The following MMD2 variants were observed in gnomAD, a reference collection of about 807,000 sequenced individuals.
MMD2 encodes the protein monocyte to macrophage differentiation associated 2.
In MMD2, 30 loss-of-function variants were observed where a neutral mutation model predicts 33.5. That is an observed-to-expected ratio of 0.90 (90% confidence interval 0.67 to 1.22). MMD2 has a LOEUF of 1.22. Among genes scored for constraint, MMD2 ranks in the 50% most tolerant of loss-of-function variants. The pLI is 0.00. For synonymous variants in MMD2, 129 were observed against 123.0 expected, an observed-to-expected ratio of 1.05 and a Z score of -0.32; for missense variants, 364 against 325.4, an observed-to-expected ratio of 1.12 and a Z score of -0.91.
chr7:4,957,020 G>T (rs953516029), intron 1 of MMD2, among the ~76,000 whole-genome samples: 6 of 151,968 alleles, frequency 3.9e-5, no homozygotes, highest in African/African-American at 1.5e-4. Context: ...ACAAAAGTTA[G>T]CCAGGCTTGG....
rs1230837032 is a variant in MMD2 at position 4,911,152 on chromosome 7, GGAA to G, written c.457_459del (p.Phe153del). 16 of 1,582,142 alleles carry G rather than the reference GGAA, an allele frequency of 1.0e-5. No homozygotes were observed. Among genetic ancestry groups the G allele is most frequent in the Admixed American group, 1.8e-5 (1 of 54,620 alleles). On this transcript the variant is annotated inframe_deletion, in exon 5 of 7. Coordinates refer to ENST00000401401, the MANE Select transcript of MMD2 (RefSeq NM_198403.4). Reference sequence around the variant, plus strand: ...CCCCCAGGCCTGGCTTACCGCTCATGGAAGAAGAAGACATAGATGGTGCCCACG... The same window carrying G: ...CCCCCAGGCCTGGCTTACCGCTCATGGAAGAAGACATAGATGGTGCCCACG...
chr7:4,909,885 G>C lies in MMD2; in HGVS notation c.533C>G (p.Ser178Cys), dbSNP rs761120373. 2.5e-6 allele frequency: 4 copies of C among 1,612,522 alleles called. No homozygotes were observed. The highest frequency in any genetic ancestry group is 3.4e-6 in the Non-Finnish European group (4 of 1,179,248). ...TGCAGGGCTGGCAGCACTTACCATG[G>C]AGAGGATGACCAGGGCGGGGAAGAA... ...MGFFPALVIL[S>C]MPNTEGIWEL... The change falls in exon 6 of 7, where the codon TCC becomes TGC. Residue 178 changes from serine to cysteine, a missense_variant. Coordinates refer to ENST00000401401, the MANE Select transcript of MMD2 (RefSeq NM_198403.4).
chr7:4,896,016 A>G, the MMD2 span, among the ~76,000 whole-genome samples: 2 of 151,352 alleles, frequency 1.3e-5, no homozygotes, highest in African/African-American at 4.8e-5. Context: ...GCTTCCCCAC[A>G]TGACCCTGCA....
chr7:4,930,956 C>T (rs28532746), intron 1 of MMD2, among the ~76,000 whole-genome samples: 90,879 of 151,758 alleles, frequency 0.6, 27,863 homozygotes, highest in African/African-American at 0.74. Flanking sequence ...GTTCAAGTGA[C>T]TCGCCTGCCT....
chr7:4,896,852 A>T, the MMD2 span, among the ~76,000 whole-genome samples: 3 of 150,756 alleles, frequency 2.0e-5, no homozygotes, highest in Admixed American at 1.3e-4. Flanking sequence ...ATTTTTCTCT[A>T]TTCTTTTCTT....
intron 2 of MMD2, 136 bp from the exon 3 acceptor site, chr7:4,920,467 G>T: frequency 1.3e-6 from 1 of 797,186 alleles, no homozygotes; most frequent in Non-Finnish European, 2.0e-6. Flanking sequence ...CTGAAGAACG[G>T]AATCATTTTA....
intron 1 of MMD2, among the ~76,000 whole-genome samples, chr7:4,936,798 G>C (rs1785752698): frequency 6.6e-6 from 1 of 151,872 alleles, no homozygotes; most frequent in African/African-American, 2.4e-5. Context: ...GCAATGGCGC[G>C]ATCTCAGCTC....
chr7:4,911,926 C>A (rs1045589888), intron 4 of MMD2, among the ~76,000 whole-genome samples: 12 of 151,914 alleles, frequency 7.9e-5, no homozygotes, highest in Admixed American at 6.6e-4. Flanking sequence ...GGATTACAGG[C>A]CTGAGCCACC....
chr7:4,954,572 C>G (rs576587383), intron 1 of MMD2, among the ~76,000 whole-genome samples: 3 of 152,098 alleles, frequency 2.0e-5, no homozygotes, highest in Non-Finnish European at 4.4e-5. Context: ...CACACTTCAC[C>G]ATGCCCAGCT....
At chr7:4,920,100 C>T in intron 3 of MMD2, 71 bp downstream of exon 3, 1 of 1,490,070 alleles carries the variant, frequency 6.7e-7, no homozygotes, top group Non-Finnish European at 9.0e-7. Context: ...CCTGGTTCAC[C>T]CCCCGGGCTG....
chr7:4,911,451 G>A (rs1785005570), intron 4 of MMD2, among the ~76,000 whole-genome samples: 1 of 152,076 alleles, frequency 6.6e-6, no homozygotes, highest in Non-Finnish European at 1.5e-5. Context: ...ATGATTAGAG[G>A]AAAATTAGCA....
the MMD2 span, among the ~76,000 whole-genome samples, chr7:4,897,872 G>A: frequency 2.6e-5 from 4 of 152,020 alleles, no homozygotes; most frequent in African/African-American, 4.8e-5. Context: ...CAAGTAGCTG[G>A]GATTACAGGT....
chr7:4,909,054 G>A (rs535962644), intron 6 of MMD2, among the ~76,000 whole-genome samples: 1 of 151,876 alleles, frequency 6.6e-6, no homozygotes, highest in East Asian at 1.9e-4. Context: ...GTAATGGCAT[G>A]GCAAACAAAA....
chr7:4,916,111 C>T, intron 3 of MMD2, 32 bp from the exon 4 acceptor site: 2 of 1,607,492 alleles, frequency 1.2e-6, no homozygotes, highest in African/African-American at 1.3e-5. Flanking sequence ...CAGTCACAGC[C>T]CCTGCACAGC....
rs1198453534 is a variant in MMD2, at chr7:4,920,255, G to A, written c.206C>T (p.Ala69Val). 1 of 1,603,056 alleles carries A rather than the reference G, an allele frequency of 6.2e-7. No homozygotes were observed. The highest frequency in any genetic ancestry group is 2.2e-5 in the East Asian group (1 of 44,492). Reference protein sequence around the residue: ...LSDDDWETISAWIYGLGLCGL... With the variant: ...LSDDDWETISVWIYGLGLCGL... ...GCAGAGGCCGAGGCCGTAGATCCAG[G>A]CAGAGATGGTCTCCCAGTCATCGTC... Residue 69 changes from alanine (A) to valine (V), a missense_variant, in exon 3 of 7, where the codon GCC (alanine) becomes GTC (valine). Transcript: ENST00000401401.
chr7:4,921,182 C>CG lies in MMD2; in HGVS notation c.130-852_130-851insC, dbSNP rs542714767. 1.9e-3 allele frequency among the ~76,000 whole-genome samples: 290 copies of CG among 152,206 alleles called. 1 individual carries two copies. The highest frequency in any genetic ancestry group is 6.8e-3 in the African/African-American group (281 of 41,552). On this transcript the variant is annotated intron_variant, in intron 2 of 6. Transcript: ENST00000401401. ...CACATCCCAGCCCCTCTCTGGGCCA[C>CG]CACACAGAGAAGTATGATGTGCCAC...
intron 3 of MMD2, among the ~76,000 whole-genome samples, chr7:4,919,629 T>C (rs1046719591): frequency 1.3e-5 from 2 of 151,724 alleles, no homozygotes; most frequent in Non-Finnish European, 2.9e-5. Flanking sequence ...CTCACACCTG[T>C]AATCCCAACA....
At chr7:4,917,288 G>C (rs1373605074) in intron 3 of MMD2, among the ~76,000 whole-genome samples, 2 of 152,148 alleles carry the variant, frequency 1.3e-5, no homozygotes, top group African/African-American at 4.8e-5. Flanking sequence ...CACGGAGGAT[G>C]CCAGCAACCT....
Position 4,940,790 on chromosome 7 carries a change from C to T in MMD2, c.48-15258G>A, listed in dbSNP as rs1263378236. Among the ~76,000 whole-genome samples, 1 of 152,122 alleles carries T rather than the reference C, an allele frequency of 6.6e-6. No homozygotes were observed. Among genetic ancestry groups the T allele is most frequent in the Non-Finnish European group, 1.5e-5 (1 of 68,014 alleles). On this transcript the variant is annotated intron_variant, in intron 1 of 6. Coordinates refer to ENST00000401401, the MANE Select transcript of MMD2 (RefSeq NM_198403.4). The surrounding 1 kb of genome is among the most constrained non-coding windows in gnomAD (Gnocchi z 5.0). The stretch of plus-strand genomic sequence containing the variant: ...GGGCTTGCATCTCGTGCCAGAGGCG[C>T]GGGACTCTGGCATGATCTGCAGGAG...
Sources: allele counts gnomAD v4.1 joint callset (sites outside exome capture counted in the v4.1 genomes callset), GRCh38; gene constraint gnomAD v4.1.1; non-coding constraint Gnocchi (gnomAD v3.1); transcripts MANE v1.5; gene names NCBI Gene and HGNC (gene_info 2026-07-23, HGNC 2026-07-21).